LRRFIP1: variants seen among roughly 807,000 people sequenced by gnomAD.
The protein encoded by LRRFIP1 is leucine-rich repeat flightless-interacting protein 1.
In LRRFIP1, 62 loss-of-function variants were observed where a neutral mutation model predicts 104.4. The ratio of observed to expected loss-of-function variants is 0.59; its 90% CI spans 0.48 to 0.73. The LOEUF is 0.73. Ranked by LOEUF, LRRFIP1 falls within the 30% of genes least tolerant of loss-of-function variation. The pLI is 0.00. For missense variants in LRRFIP1, 796 were observed against 824.5 expected (o/e 0.97, Z 0.42); for synonymous variants, 300 against 299.0 (o/e 1.00, Z -0.03).
At chr2:237,666,725 T>A (rs2089323347) in intron 1 of LRRFIP1, among the ~76,000 whole-genome samples, 2 of 119,810 alleles carry the variant, frequency 1.7e-5, no homozygotes. Context: ...TGCGCTTTCT[T>A]TCTTTTGTTC....
chr2:237,658,742 C>T (rs1447486883), intron 1 of LRRFIP1, among the ~76,000 whole-genome samples: 3 of 152,138 alleles, frequency 2.0e-5, no homozygotes, highest in African/African-American at 7.2e-5. Context: ...TATGAGAACT[C>T]ACTCACTATC....
chr2:237,681,923 C>G (rs2091890897), intron 1 of LRRFIP1, among the ~76,000 whole-genome samples: 1 of 151,180 alleles, frequency 6.6e-6, no homozygotes, highest in South Asian at 2.1e-4. Flanking sequence ...TCGTGATCCG[C>G]CCGCCTCGGC....
rs145960479 is a variant in LRRFIP1 at position 237,753,838 on chromosome 2, GTGTA to G, written c.1038+375_1038+378del. 1.4e-3 allele frequency among the ~76,000 whole-genome samples: 115 copies of G among 84,246 alleles called. No individual in the cohort carries two copies. In the South Asian group the frequency reaches 0.015, roughly 11 times the overall value. The allele number at this position is 84,246 out of a possible 152,430, so 55.3% of individuals were successfully genotyped here. A position where few individuals can be genotyped will look rare whatever the true frequency, so the allele number is the denominator to read the frequency against. ...AATGGTAGGGTGTGTGTGTGTGTGT[GTGTA>G]TGTATGTATGTATGTGTGGATATAT... On this transcript the variant is annotated intron_variant, in intron 15 of 23. Coordinates refer to ENST00000308482, the MANE Select transcript of LRRFIP1 (RefSeq NM_001137550.2).
intron 8 of LRRFIP1, among the ~76,000 whole-genome samples, chr2:237,732,108 A>C (rs924280181): frequency 2.6e-5 from 4 of 152,172 alleles, no homozygotes; most frequent in Non-Finnish European, 4.4e-5. Flanking sequence ...GTGAACTCAA[A>C]AGTCCTAATT....
chr2:237,734,854 CATA>C lies in LRRFIP1; in HGVS notation c.490-411_490-409del, dbSNP rs1321398211. Among the ~76,000 whole-genome samples, 3 of 152,138 alleles carry C rather than the reference CATA, an allele frequency of 2.0e-5. No homozygotes were observed. The East Asian group carries it at 5.8e-4, about 29-fold the overall frequency. On this transcript the variant is annotated intron_variant, in intron 9 of 23. Coordinates refer to ENST00000308482, the MANE Select transcript of LRRFIP1 (RefSeq NM_001137550.2). ...TATTTAACATTAAAACTATAATTAA[CATA>C]ATTTGATATTTTATCCCAAAGTCAC...
intron 11 of LRRFIP1, among the ~76,000 whole-genome samples, chr2:237,743,187 C>A (rs945161217): frequency 3.3e-5 from 5 of 151,338 alleles, no homozygotes; most frequent in South Asian, 2.1e-4. Context: ...GGACAGAGGA[C>A]AAGAAAAATA....
At chr2:237,671,319 C>A (rs138613086) in intron 1 of LRRFIP1, among the ~76,000 whole-genome samples, 87 of 152,326 alleles carry the variant, frequency 5.7e-4, no homozygotes, top group African/African-American at 1.9e-3. Context: ...GGCTCTGAAA[C>A]ACTTCAACTC....
chr2:237,737,085 G>A (rs990389920), intron 10 of LRRFIP1, among the ~76,000 whole-genome samples: 7 of 152,214 alleles, frequency 4.6e-5, no homozygotes, highest in African/African-American at 1.4e-4. Flanking sequence ...CCCTGGTCCT[G>A]CTGTGGAGGA....
intron 19 of LRRFIP1, among the ~76,000 whole-genome samples, chr2:237,761,373 G>A (rs12613148): frequency 0.33 from 49,697 of 152,028 alleles, 8,986 homozygotes; most frequent in East Asian, 0.53. Flanking sequence ...TAGGTATGTA[G>A]TATCTATATA....
intron 13 of LRRFIP1, among the ~76,000 whole-genome samples, chr2:237,749,884 T>C (rs1277697155): frequency 2.6e-5 from 4 of 152,178 alleles, no homozygotes; most frequent in African/African-American, 9.7e-5. Flanking sequence ...AGGCATTTGG[T>C]AGTATTCTGT....
chr2:237,655,463 T>A (rs1245003950), intron 1 of LRRFIP1, among the ~76,000 whole-genome samples: 6 of 152,098 alleles, frequency 3.9e-5, no homozygotes, highest in African/African-American at 1.2e-4. Context: ...GGATTGACAT[T>A]TGTAATTTTT....
intron 1 of LRRFIP1, among the ~76,000 whole-genome samples, chr2:237,672,544 A>T (rs2090508665): frequency 6.6e-6 from 1 of 152,220 alleles, no homozygotes; most frequent in Admixed American, 6.5e-5. Flanking sequence ...AGATCTTAAA[A>T]CTATTAGTTT....
chr2:237,699,340 T>C (rs1270271837), intron 1 of LRRFIP1, among the ~76,000 whole-genome samples: 5 of 150,974 alleles, frequency 3.3e-5, no homozygotes, highest in Non-Finnish European at 5.9e-5. Context: ...TAGTGGTTTT[T>C]CTTTTCTTTT....
chr2:237,709,098 G>A (rs996404549), intron 2 of LRRFIP1, among the ~76,000 whole-genome samples: 6 of 152,182 alleles, frequency 3.9e-5, no homozygotes, highest in African/African-American at 1.4e-4. Context: ...GAGCCCGTGT[G>A]TGATAGAGAG....
At position 237,683,549 on chromosome 2, in the gene LRRFIP1, C is replaced by T. The variant is rs1415630381; in HGVS notation, c.97-24995C>T. The T allele has an allele frequency of 2.6e-5, 4 of 152,326 alleles. No homozygotes were observed. In the East Asian group the frequency reaches 7.7e-4, roughly 29 times the overall value. The allele number at this position is 152,326 out of a possible 1,614,324, so 9.4% of individuals were successfully genotyped here. ...CTTCTCTAAAGATATCCAATTTGTA[C>T]ACATGGAGAACATTTTTTGTACTCG... On this transcript the variant is annotated intron_variant, in intron 1 of 23. Transcript: ENST00000308482.
intron 6 of LRRFIP1, 36 bp from the exon 7 acceptor site, chr2:237,723,512 T>C (rs1373522970): frequency 2.5e-5 from 41 of 1,611,012 alleles, no homozygotes; most frequent in Non-Finnish European, 3.5e-5. Context: ...CTCTCTTTGC[T>C]GTTGTTTTTT....
At chr2:237,763,868 A>G (rs768665715) in intron 19 of LRRFIP1, 2 of 1,614,260 alleles carry the variant, frequency 1.2e-6, no homozygotes, top group Admixed American at 3.3e-5. Flanking sequence ...TGCAGAACCA[A>G]AGAGCGAAGA....
At chr2:237,754,616 T>A (rs185334437) in intron 15 of LRRFIP1, among the ~76,000 whole-genome samples, 20 of 152,274 alleles carry the variant, frequency 1.3e-4, no homozygotes, top group African/African-American at 3.9e-4. Flanking sequence ...ATCCAAAGGG[T>A]TAAAACCAAG....
At chr2:237,707,343 G>A (rs979185644) in intron 1 of LRRFIP1, among the ~76,000 whole-genome samples, 1 of 150,692 alleles carries the variant, frequency 6.6e-6, no homozygotes, top group Non-Finnish European at 1.5e-5. Context: ...TGAGGCAGGA[G>A]GGTTGCTAGA....
Sources: allele counts gnomAD v4.1 joint callset (sites outside exome capture counted in the v4.1 genomes callset), GRCh38; gene constraint gnomAD v4.1.1; transcripts MANE v1.5; gene names NCBI Gene and HGNC (gene_info 2026-07-23, HGNC 2026-07-21).